Variants in PCDHA5 observed in about 807,000 individuals in gnomAD.
The protein encoded by PCDHA5 is protocadherin alpha-5.
Under a neutral mutation model 61.6 loss-of-function variants are expected in PCDHA5, and 43 were observed. The observed-to-expected ratio is 0.70, with a 90% confidence interval of 0.55 to 0.90. The LOEUF (loss-of-function observed/expected upper bound fraction) is 0.90, where lower values mean the gene tolerates loss of function less well. Ranked by LOEUF, PCDHA5 falls within the 40% of genes least tolerant of loss-of-function variation. The pLI is 0.00. For synonymous variants in PCDHA5, 627 were observed against 543.9 expected (o/e 1.15, Z -2.13); for missense variants, 1,298 against 1,222.7 (o/e 1.06, Z -0.92).
intron 1 of PCDHA5, chr5:140,835,488 A>C (rs2150236741): frequency 2.5e-6 from 4 of 1,613,940 alleles, no homozygotes; most frequent in Non-Finnish European, 3.4e-6. Flanking sequence ...AGGTACCGTC[A>C]TCACATTGAT....
chr5:140,875,874 A>G (rs782173743), intron 1 of PCDHA5: 2 of 1,614,188 alleles, frequency 1.2e-6, no homozygotes, highest in East Asian at 4.5e-5. Context: ...CGGTGTTCAG[A>G]GAAAGGGAAC....
chr5:141,005,701 CAAAAAAAAAAA>C (rs59860837), intron 3 of PCDHA5, among the ~76,000 whole-genome samples: 24 of 7,788 alleles, frequency 3.1e-3, no homozygotes, highest in African/African-American at 7.5e-3. Flanking sequence ...AACTCCGTCT[CAAAAAAAAAAA>C]AAAAAAAAAA....
At chr5:141,004,935 A>AATTTCTT (rs2098189293) in intron 3 of PCDHA5, among the ~76,000 whole-genome samples, 1 of 152,112 alleles carries the variant, frequency 6.6e-6, no homozygotes, top group African/African-American at 2.4e-5. Context: ...GAGAGAAGAA[A>AATTTCTT]ATTTCTTACC....
At chr5:140,982,602 G>A (rs1554244640) in intron 3 of PCDHA5, 39 bp downstream of exon 3, 2 of 1,607,914 alleles carry the variant, frequency 1.2e-6, no homozygotes, top group African/African-American at 2.7e-5. Context: ...CTTGGTTTCT[G>A]GAAAGTGATC....
At chr5:140,882,592 G>T in intron 1 of PCDHA5, 1 of 1,614,272 alleles carries the variant, frequency 6.2e-7, no homozygotes, top group Non-Finnish European at 8.5e-7. Context: ...ACCTGGAGGT[G>T]ATCGTGGACA....
intron 3 of PCDHA5, among the ~76,000 whole-genome samples, chr5:141,005,079 T>TTAGTACTTTACA (rs1375552328): frequency 3.3e-5 from 5 of 152,356 alleles, no homozygotes; most frequent in Non-Finnish European, 7.3e-5. Flanking sequence ...AGGATCAAGC[T>TTAGTACTTTACA]TAGTACTTTA....
intron 1 of PCDHA5, chr5:140,849,719 G>C: frequency 1.3e-6 from 2 of 1,598,560 alleles, no homozygotes; most frequent in South Asian, 1.1e-5. Context: ...ACTCGTTGGT[G>C]CTGGACAGAG....
intron 1 of PCDHA5, among the ~76,000 whole-genome samples, chr5:140,954,160 A>G (rs1231258623): frequency 6.6e-6 from 1 of 152,188 alleles, no homozygotes; most frequent in Non-Finnish European, 1.5e-5. Flanking sequence ...TATATGTACC[A>G]CATTTTCTTT....
At chr5:140,971,630 C>A (rs1281130153) in intron 1 of PCDHA5, among the ~76,000 whole-genome samples, 1 of 151,972 alleles carries the variant, frequency 6.6e-6, no homozygotes, top group Non-Finnish European at 1.5e-5. Context: ...ACAATTAGTA[C>A]CATGTGCCTA....
rs782398517 is a variant in PCDHA5, at chr5:140,857,600, G to A, written c.2352+33473G>A. The A allele has an allele frequency of 5.0e-6, 8 of 1,596,228 alleles. No homozygotes were observed. In the African/African-American group the frequency reaches 9.4e-5, roughly 19 times the overall value. ...GCACGCGGAGAGCGGCAAGGTGTAC[G>A]CGCTGCAGCCGCTGGACCACGAGGA... is the stretch of plus-strand genomic sequence containing the variant. On this transcript the variant is annotated intron_variant, in intron 1 of 3. Transcript: ENST00000529859.
chr5:140,881,336 G>C (rs2058671987), intron 1 of PCDHA5: 1 of 984,948 alleles, frequency 1.0e-6, no homozygotes. Context: ...CCAGGACGCC[G>C]ATTCGGGCTA....
Position 140,849,731 on chromosome 5 carries a change from T to C in PCDHA5, c.2352+25604T>C, listed in dbSNP as rs2150447251. 21,072 of 1,598,236 alleles carry C rather than the reference T, an allele frequency of 0.013. 2,656 individuals are homozygous for C. In the African/African-American group the frequency reaches 0.2, roughly 15 times the overall value. ...ACTACTCGTTGGTGCTGGACAGAGC[T>C]CTGGACCGCGAGAGTGTGTCCGCCT... is the stretch of plus-strand genomic sequence containing the variant. On this transcript the variant is annotated intron_variant, in intron 1 of 3. Transcript: ENST00000529859.
At chr5:140,848,371 A>C in intron 1 of PCDHA5, 2 of 1,131,148 alleles carry the variant, frequency 1.8e-6, no homozygotes, top group South Asian at 3.0e-5. Context: ...AAAGAGGCTC[A>C]ATTCTTTTTC....
chr5:140,909,494 G>A (rs1554193825), intron 1 of PCDHA5, among the ~76,000 whole-genome samples: 2 of 152,174 alleles, frequency 1.3e-5, no homozygotes, highest in African/African-American at 4.8e-5. Context: ...GAGCTGAACG[G>A]GGATGTGGTG....
chr5:140,891,604 C>T (rs1554184885), intron 1 of PCDHA5, among the ~76,000 whole-genome samples: 2 of 152,172 alleles, frequency 1.3e-5, no homozygotes, highest in African/African-American at 4.8e-5. Flanking sequence ...CCATCTATTT[C>T]TACCTTTTAT....
At chr5:140,941,202 C>CTTTTCTTTCTTCCTTTCTTT (rs1554213921) in intron 1 of PCDHA5, among the ~76,000 whole-genome samples, 1 of 122,742 alleles carries the variant, frequency 8.1e-6, no homozygotes, top group Non-Finnish European at 1.8e-5. Flanking sequence ...TTTCTTTCTT[C>CTTTTCTTTCTTCCTTTCTTT]CTTTCTTTCT....
At chr5:140,885,236 T>C (rs2060525853) in intron 1 of PCDHA5, among the ~76,000 whole-genome samples, 1 of 152,166 alleles carries the variant, frequency 6.6e-6, no homozygotes, top group Non-Finnish European at 1.5e-5. Context: ...CTGCTTTCAA[T>C]TTTTTATTTG....
At chr5:140,987,439 A>G (rs1407783928) in intron 3 of PCDHA5, among the ~76,000 whole-genome samples, 18 of 152,154 alleles carry the variant, frequency 1.2e-4, no homozygotes, top group African/African-American at 3.9e-4. Flanking sequence ...GCCTTTCCCC[A>G]TGCCCGAGAG....
intron 1 of PCDHA5, among the ~76,000 whole-genome samples, chr5:140,970,662 C>T (rs575204326): frequency 6.6e-6 from 1 of 152,268 alleles, no homozygotes; most frequent in South Asian, 2.1e-4. Flanking sequence ...TGTTATCTTT[C>T]CAAATAACTA....
Sources: allele counts gnomAD v4.1 joint callset (sites outside exome capture counted in the v4.1 genomes callset), GRCh38; gene constraint gnomAD v4.1.1; transcripts MANE v1.5; gene names NCBI Gene and HGNC (gene_info 2026-07-23, HGNC 2026-07-21).